Variants in CAST observed in about 807,000 individuals in gnomAD.
The protein encoded by CAST is MIR583 host.
CAST carries 76 observed loss-of-function variants against 119.6 expected under a neutral mutation model. That is an observed-to-expected ratio of 0.64 (90% CI 0.53 to 0.77). The LOEUF (loss-of-function observed/expected upper bound fraction) is 0.77. Among genes scored for constraint, CAST ranks in the 30% least tolerant of loss-of-function variants. The probability of loss-of-function intolerance (pLI) is 0.00; values close to 1 mark genes in which losing one functional copy is unlikely to be tolerated. For missense variants in CAST, 953 were observed against 946.5 expected (o/e 1.01, Z -0.09); for synonymous variants, 319 against 331.6 (o/e 0.96, Z 0.41).
the CAST span, among the ~76,000 whole-genome samples, chr5:96,116,499 T>C: frequency 6.6e-6 from 1 of 152,216 alleles, no homozygotes; most frequent in Non-Finnish European, 1.5e-5. Flanking sequence ...CCATACTGTT[T>C]CCCAGAGTGG....
At chr5:96,141,885 C>A in the CAST span, among the ~76,000 whole-genome samples, 97,217 of 152,018 alleles carry the variant, frequency 0.64, 31,535 homozygotes, top group African/African-American at 0.72. Context: ...GGTGTGTAGC[C>A]GAGTATTTGA....
the CAST span, among the ~76,000 whole-genome samples, chr5:96,454,923 G>C: frequency 1.3e-5 from 2 of 152,228 alleles, no homozygotes; most frequent in Non-Finnish European, 2.9e-5. Flanking sequence ...CAGAGCCTTT[G>C]GCAAGCAACA....
the CAST span, among the ~76,000 whole-genome samples, chr5:96,417,098 G>A: frequency 3.9e-5 from 6 of 152,284 alleles, no homozygotes; most frequent in South Asian, 2.1e-4. Context: ...GGTTAGCTCG[G>A]AGCAATAATG....
chr5:96,506,591 G>A, the CAST span, among the ~76,000 whole-genome samples: 1 of 152,136 alleles, frequency 6.6e-6, no homozygotes, highest in Non-Finnish European at 1.5e-5. Flanking sequence ...CCAGGGGGAG[G>A]GGAGAGGAAG....
chr5:96,462,545 TAATC>T, the CAST span, among the ~76,000 whole-genome samples: 17 of 152,256 alleles, frequency 1.1e-4, no homozygotes, highest in Non-Finnish European at 2.1e-4. Context: ...ATACAGTAAA[TAATC>T]AATAAATATT....
At chr5:95,983,207 C>G in the CAST span, among the ~76,000 whole-genome samples, 1 of 152,154 alleles carries the variant, frequency 6.6e-6, no homozygotes, top group Non-Finnish European at 1.5e-5. Context: ...AGTCAGGATA[C>G]TGGAAACCTC....
the CAST span, among the ~76,000 whole-genome samples, chr5:96,102,101 G>A: frequency 6.6e-6 from 1 of 152,202 alleles, no homozygotes; most frequent in Non-Finnish European, 1.5e-5. Context: ...GTTGTGTGGG[G>A]TGGCTGCCCT....
chr5:96,652,522 C>T (rs111444415), intron 1 of CAST, among the ~76,000 whole-genome samples: 4 of 152,280 alleles, frequency 2.6e-5, no homozygotes, highest in African/African-American at 9.6e-5. Flanking sequence ...CTCATCCAAT[C>T]AGCTCACAGC....
At chr5:96,433,188 C>G in the CAST span, 16 of 775,054 alleles carry the variant, frequency 2.1e-5, no homozygotes. Flanking sequence ...CTAGGAGGCG[C>G]GAGAGGAGAG....
chr5:96,481,352 A>G, the CAST span, among the ~76,000 whole-genome samples: 1 of 152,146 alleles, frequency 6.6e-6, no homozygotes, highest in Non-Finnish European at 1.5e-5. Context: ...CAGTTTTGGT[A>G]TTTTCTAGCA....
At chr5:96,613,759 A>G (rs1747405196) in intron 1 of CAST, among the ~76,000 whole-genome samples, 1 of 152,256 alleles carries the variant, frequency 6.6e-6, no homozygotes, top group Non-Finnish European at 1.5e-5. Context: ...TAAGTACCTC[A>G]AACTTTATTC....
chr5:96,270,987 C>T, the CAST span, among the ~76,000 whole-genome samples: 1 of 146,328 alleles, frequency 6.8e-6, no homozygotes, highest in African/African-American at 2.5e-5. Context: ...TATACACTAA[C>T]AGCAAATAAT....
At position 96,675,582 on chromosome 5, in the gene CAST, A is replaced by T; in HGVS notation, c.119A>T (p.Glu40Val). The T allele has an allele frequency of 6.2e-7, 1 of 1,613,262 alleles. No individual in the cohort carries two copies. Among genetic ancestry groups the T allele is most frequent in the Non-Finnish European group, 8.5e-7 (1 of 1,179,268 alleles). Residue 40 changes from glutamate (E) to valine (V), a missense_variant, in exon 2 of 32, where the codon GAA becomes GTA. Glu to Val is a moderately radical substitution (Grantham distance 121). Coordinates refer to ENST00000675179, the MANE Select transcript of CAST (RefSeq NM_001750.7). Reference sequence around the variant, plus strand: ...AGTGAATCGCCTTCCAAACCAGGAGAAAAGAAAGGATCAGATGAGGTAATT... The same window carrying T: ...AGTGAATCGCCTTCCAAACCAGGAGTAAAGAAAGGATCAGATGAGGTAATT... ...KTSESPSKPG[E>V]KKGSDEKKAA...
At chr5:96,150,046 C>A in the CAST span, among the ~76,000 whole-genome samples, 1 of 152,078 alleles carries the variant, frequency 6.6e-6, no homozygotes, top group African/African-American at 2.4e-5. Context: ...GTTAAATACC[C>A]ACTGGGAGTT....
In CAST at chr5:96,712,727, C is replaced by T. The variant is rs143105660; in HGVS notation, c.211-9912C>T. On this transcript the variant is annotated intron_variant, in intron 3 of 31. Transcript: ENST00000675179. ...AGTATACATTTGTGAATTTGTTCTTCTTAGGTGGTTTCCAGAATAACATTT... is the reference window on the plus strand; with the variant it reads ...AGTATACATTTGTGAATTTGTTCTTTTTAGGTGGTTTCCAGAATAACATTT... 3.3e-3 allele frequency among the ~76,000 whole-genome samples: 498 copies of T among 152,290 alleles called. 2 individuals carry two copies. Among genetic ancestry groups the T allele is most frequent in the African/African-American group, 0.011 (477 of 41,564 alleles).
At chr5:96,653,366 C>T (rs1215235841) in intron 1 of CAST, among the ~76,000 whole-genome samples, 1 of 152,146 alleles carries the variant, frequency 6.6e-6, no homozygotes, top group Non-Finnish European at 1.5e-5. Context: ...TTCTGGGAGA[C>T]CTAGAAAAAC....
chr5:96,387,193 G>A, the CAST span, among the ~76,000 whole-genome samples: 1 of 152,168 alleles, frequency 6.6e-6, no homozygotes, highest in Non-Finnish European at 1.5e-5. Flanking sequence ...CACACCTCTA[G>A]CCTTTAAGTT....
the CAST span, among the ~76,000 whole-genome samples, chr5:96,512,630 T>C: frequency 4.6e-5 from 7 of 152,226 alleles, no homozygotes; most frequent in Non-Finnish European, 7.3e-5. Context: ...AGCATCATAT[T>C]ATACTTCAAA....
the CAST span, among the ~76,000 whole-genome samples, chr5:96,231,099 T>A: frequency 6.6e-6 from 1 of 152,008 alleles, no homozygotes; most frequent in African/African-American, 2.4e-5. Flanking sequence ...AAACATAGAT[T>A]TACCATATGA....
Sources: gnomAD v4.1 joint callset for allele counts (sites outside exome capture counted in the v4.1 genomes callset) on GRCh38, gnomAD v4.1.1 for gene constraint, MANE v1.5 for transcripts, NCBI Gene and HGNC (gene_info 2026-07-23, HGNC 2026-07-21) for gene names.